Variants in BCL11B observed in about 807,000 individuals in gnomAD.
BCL11B encodes the protein B-cell lymphoma/leukemia 11B.
A neutral mutation model predicts 49.9 loss-of-function variants in BCL11B; 8 were observed. That is an observed-to-expected ratio of 0.16 (90% CI 0.09 to 0.29). The LOEUF is 0.29. Among genes scored for constraint, BCL11B ranks in the 10% least tolerant of loss-of-function variants. BCL11B has a pLI of 1.00. For missense variants in BCL11B, 1,006 were observed against 1,351.0 expected, an observed-to-expected ratio of 0.74 and a Z score of 4.00; for synonymous variants, 739 against 637.4, an observed-to-expected ratio of 1.16 and a Z score of -2.40.
intron 3 of BCL11B, among the ~76,000 whole-genome samples, chr14:99,218,497 G>A (rs1887919982): frequency 1.3e-5 from 2 of 152,130 alleles, no homozygotes; most frequent in Non-Finnish European, 1.5e-5. Context: ...ACAGAAGTCT[G>A]AGTGCTAGCC....
chr14:99,205,310 G>A lies in BCL11B; in HGVS notation c.640+26035C>T, dbSNP rs561146632. ...TCTCAGACCCTGAAAATGAGCATCCGGGGACAGTCCCTAACTGAGACGGCC... is the reference window on the plus strand; with the variant it reads ...TCTCAGACCCTGAAAATGAGCATCCAGGGACAGTCCCTAACTGAGACGGCC... On this transcript the variant is annotated intron_variant, in intron 3 of 3. Coordinates refer to ENST00000357195, the MANE Select transcript of BCL11B (RefSeq NM_138576.4). This position sits in a 1 kb window ranked among gnomAD's most constrained non-coding sequence, Gnocchi z 5.0. 5.3e-5 allele frequency among the ~76,000 whole-genome samples: 8 copies of A among 152,256 alleles called. No individual in the cohort carries two copies. The highest frequency in any genetic ancestry group is 1.4e-4 in the African/African-American group (6 of 41,560).
At position 99,228,653 on chromosome 14, in the gene BCL11B, A is replaced by G. The variant is rs1001523348; in HGVS notation, c.640+2692T>C. Among the ~76,000 whole-genome samples the G allele has an allele frequency of 1.3e-5, 2 of 152,144 alleles. No homozygotes were observed. Among genetic ancestry groups the G allele is most frequent in the African/African-American group, 4.8e-5 (2 of 41,428 alleles). ...TGGCAGCTCTCAAGGCCTAAAATCT[A>G]AAAAGGCCTTTAATGCCAGAAGAAG... is the stretch of plus-strand genomic sequence containing the variant. On this transcript the variant is annotated intron_variant, in intron 3 of 3. Transcript: ENST00000357195. This position sits in a 1 kb window ranked among gnomAD's most constrained non-coding sequence, Gnocchi z 4.8.
intron 3 of BCL11B, among the ~76,000 whole-genome samples, chr14:99,187,284 T>C (rs1886880637): frequency 6.6e-6 from 1 of 152,158 alleles, no homozygotes; most frequent in South Asian, 2.1e-4. Flanking sequence ...AGAGCAATTT[T>C]CCATGTGGCA....
In BCL11B at chr14:99,192,651, G is replaced by A. The variant is rs1887066912; in HGVS notation, c.641-16456C>T. Among the ~76,000 whole-genome samples the A allele has an allele frequency of 1.3e-5, 2 of 152,154 alleles. No individual in the cohort carries two copies. The highest frequency in any genetic ancestry group is 4.1e-4 in the South Asian group (2 of 4,826). ...CATGGCAACTTGGGAACCACACTGG[G>A]GCTGGGGCTGTGGGCCAGAAAGATC... On this transcript the variant is annotated intron_variant, in intron 3 of 3. Coordinates refer to ENST00000357195, the MANE Select transcript of BCL11B (RefSeq NM_138576.4). The surrounding 1 kb of genome is among the most constrained non-coding windows in gnomAD (Gnocchi z 4.0).
At chr14:99,268,434 T>C (rs562338127) in intron 1 of BCL11B, among the ~76,000 whole-genome samples, 1 of 152,286 alleles carries the variant, frequency 6.6e-6, no homozygotes, top group Non-Finnish European at 1.5e-5. Flanking sequence ...GATAAAGATG[T>C]ACCATGTTTT....
rs376168981 is a variant in BCL11B at position 99,175,219 on chromosome 14, C to T, written c.1617G>A (p.Glu539=). The T allele has an allele frequency of 9.0e-6, 14 of 1,550,680 alleles. No individual in the cohort carries two copies. The highest frequency in any genetic ancestry group is 9.6e-6 in the Non-Finnish European group (11 of 1,150,432). The change falls in exon 4 of 4, where the codon GAG becomes GAA. Residue 539 remains glutamate, a synonymous_variant. Transcript: ENST00000357195. ...EPEEEDEEEE[E]EEEELLLENE... is the part of the protein sequence containing the mutation. ...TCTCCAGTAGCAGCTCCTCCTCCTCCTCCTCCTCCTCCTCGTCCTCCTCCT... is the reference window on the plus strand; with the variant it reads ...TCTCCAGTAGCAGCTCCTCCTCCTCTTCCTCCTCCTCCTCGTCCTCCTCCT...
intron 3 of BCL11B, among the ~76,000 whole-genome samples, chr14:99,187,295 A>G (rs1391150511): frequency 6.6e-6 from 1 of 152,242 alleles, no homozygotes; most frequent in East Asian, 1.9e-4. Flanking sequence ...CCATGTGGCA[A>G]GTCATCTGCA....
intron 3 of BCL11B, among the ~76,000 whole-genome samples, chr14:99,182,901 C>T (rs1023606652): frequency 1.3e-5 from 2 of 152,196 alleles, no homozygotes; most frequent in Non-Finnish European, 1.5e-5. Flanking sequence ...AATGTGGGAT[C>T]AAAATAGATT....
intron 1 of BCL11B, among the ~76,000 whole-genome samples, chr14:99,268,506 C>A (rs1889552673): frequency 6.6e-6 from 1 of 152,158 alleles, no homozygotes; most frequent in African/African-American, 2.4e-5. Flanking sequence ...TGCGACAGCA[C>A]CCGCTTTGCC....
intron 1 of BCL11B, among the ~76,000 whole-genome samples, chr14:99,265,224 G>A (rs189688062): frequency 3.1e-4 from 47 of 152,260 alleles, no homozygotes; most frequent in Non-Finnish European, 1.0e-4. Context: ...AGCTAACACC[G>A]TCTTCAGAGA....
At chr14:99,208,913 A>C (rs1172758218) in intron 3 of BCL11B, among the ~76,000 whole-genome samples, 2 of 152,198 alleles carry the variant, frequency 1.3e-5, no homozygotes, top group Non-Finnish European at 2.9e-5. Flanking sequence ...AGCCAGGCCA[A>C]GGCCAACGTG....
chr14:99,263,399 G>C (rs1055554739), intron 1 of BCL11B, among the ~76,000 whole-genome samples: 4 of 151,824 alleles, frequency 2.6e-5, no homozygotes, highest in Non-Finnish European at 1.5e-5. Context: ...TCCCAGTGTG[G>C]GCTTCCCAGG....
At chr14:99,223,922 T>C (rs1279384413) in intron 3 of BCL11B, among the ~76,000 whole-genome samples, 1 of 152,108 alleles carries the variant, frequency 6.6e-6, no homozygotes, top group East Asian at 1.9e-4. Flanking sequence ...AATTGATTCA[T>C]TTTTTTCAAA....
intron 3 of BCL11B, among the ~76,000 whole-genome samples, chr14:99,223,816 A>G (rs547202306): frequency 5.1e-4 from 78 of 152,248 alleles, no homozygotes; most frequent in Non-Finnish European, 1.0e-3. Context: ...TGCGACCACA[A>G]GGACAAGCTG....
At position 99,175,132 on chromosome 14, in the gene BCL11B, G is replaced by A. The variant is rs758646497; in HGVS notation, c.1704C>T (p.Asn568=). 7 of 1,596,232 alleles carry A rather than the reference G, an allele frequency of 4.4e-6. No homozygotes were observed. Among genetic ancestry groups the A allele is most frequent in the African/African-American group, 1.3e-5 (1 of 74,590 alleles). ...GGACCCCGGGCACCCCACCACCGCC[G>A]TTCTCGCGGTTGCGGCTCAGCTCCG... ...MDSELSRNRE[N]GGGGVPGVPG... is the part of the protein sequence containing the mutation. The change falls in exon 4 of 4, where the codon AAC becomes AAT. Residue 568 remains asparagine, a synonymous_variant. Transcript: ENST00000357195.
intron 1 of BCL11B, among the ~76,000 whole-genome samples, chr14:99,270,493 G>A (rs993620981): frequency 2.0e-5 from 3 of 151,800 alleles, no homozygotes; most frequent in African/African-American, 4.8e-5. Flanking sequence ...GGGGTGGGGA[G>A]GGGGGCTTGA....
Position 99,231,670 on chromosome 14 carries a change from T to TCCCACCCCCGAA in BCL11B, c.428-114_428-113insTTCGGGGGTGGG. On this transcript the variant is annotated intron_variant, in intron 2 of 3. Transcript: ENST00000357195. The surrounding 1 kb of genome is among the most constrained non-coding windows in gnomAD (Gnocchi z 8.1). The stretch of plus-strand genomic sequence containing the variant: ...CTCTGCTCAGGCCACCCTTCGGGGG[T>TCCCACCCCCGAA]GGGAGGCCCCCGGGGTGCCAGGCCC... 9.5e-7 allele frequency: 1 copy of TCCCACCCCCGAA among 1,056,598 alleles called. No individual in the cohort carries two copies. Among genetic ancestry groups the TCCCACCCCCGAA allele is most frequent in the Non-Finnish European group, 1.3e-6 (1 of 756,282 alleles). The allele number at this position is 1,056,598 out of a possible 1,614,324, so 65.5% of individuals were successfully genotyped here.
chr14:99,211,086 A>C (rs866933516), intron 3 of BCL11B, among the ~76,000 whole-genome samples: 32 of 152,322 alleles, frequency 2.1e-4, no homozygotes, highest in Non-Finnish European at 3.4e-4. Context: ...GTCCTGAGCC[A>C]TCCACACATG....
At chr14:99,178,518 T>C (rs905867268) in intron 3 of BCL11B, among the ~76,000 whole-genome samples, 1 of 152,154 alleles carries the variant, frequency 6.6e-6, no homozygotes, top group Non-Finnish European at 1.5e-5. Context: ...CTGTGCACTC[T>C]CAGCGAACAG....
Sources: allele counts gnomAD v4.1 joint callset (sites outside exome capture counted in the v4.1 genomes callset), GRCh38; gene constraint gnomAD v4.1.1; non-coding constraint Gnocchi (gnomAD v3.1); transcripts MANE v1.5; gene names NCBI Gene and HGNC (gene_info 2026-07-23, HGNC 2026-07-21).